OGFR: variants seen among roughly 807,000 people sequenced by gnomAD.
The protein encoded by OGFR is protein 7-60.
Under a neutral mutation model 33.6 loss-of-function variants are expected in OGFR, and 18 were observed. The observed-to-expected ratio is 0.54, with a 90% CI of 0.37 to 0.80. The LOEUF (loss-of-function observed/expected upper bound fraction) is 0.80, where lower values mean the gene tolerates loss of function less well. Ranked by LOEUF, OGFR falls within the 30% of genes least tolerant of loss-of-function variation. The probability of loss-of-function intolerance (pLI) is 0.00; values close to 1 mark genes in which losing one functional copy is unlikely to be tolerated. For synonymous variants in OGFR, 370 were observed against 400.7 expected, an observed-to-expected ratio of 0.92 and a Z score of 0.91; for missense variants, 877 against 955.8, an observed-to-expected ratio of 0.92 and a Z score of 1.09.
rs761173627 is a variant in OGFR, at chr20:62,809,656, A to G, written c.391A>G (p.Ile131Val). ...YDLLEDNHSY[I>V]QWLFPLREPG... The stretch of plus-strand genomic sequence containing the variant: ...CCTCCTTGAGGACAATCACTCCTAC[A>G]TCCAGTGGTGAGTTGGGGAGGATGG... The change falls in exon 4 of 7, where the codon ATC becomes GTC. Residue 131 changes from isoleucine to valine, a missense_variant. Physicochemically the swap from Ile to Val is conservative, Grantham distance 29. Around this residue, in one of 3 missense-constraint regions of OGFR, gnomAD observed 760 missense variants for 736.0 expected, o/e 1.03. Coordinates refer to ENST00000290291, the MANE Select transcript of OGFR (RefSeq NM_007346.4). 2 of 1,556,968 alleles carry G rather than the reference A, an allele frequency of 1.3e-6. No individual in the cohort carries two copies. Among genetic ancestry groups the G allele is most frequent in the Non-Finnish European group, 8.8e-7 (1 of 1,142,350 alleles).
chr20:62,811,374 G>A (rs1162244753), intron 5 of OGFR, 88 bp from the exon 6 acceptor site: 3 of 1,421,738 alleles, frequency 2.1e-6, no homozygotes, highest in Non-Finnish European at 2.9e-6. Flanking sequence ...CCAGGCCTCT[G>A]AGTGAGTCGG....
intron 1 of OGFR, 150 bp downstream of exon 1, chr20:62,805,180 C>G (rs1443703147): frequency 1.9e-6 from 1 of 515,278 alleles, no homozygotes; most frequent in African/African-American, 2.0e-5. Flanking sequence ...CCGGCCGACC[C>G]CCAGCCCCAG....
In OGFR at chr20:62,813,488, C is replaced by T. The variant is rs201163906; in HGVS notation, c.1873C>T (p.Arg625Cys). The T allele has an allele frequency of 2.1e-4, 299 of 1,396,224 alleles. No individual in the cohort carries two copies. Among genetic ancestry groups the T allele is most frequent in the Non-Finnish European group, 7.9e-5 (84 of 1,063,886 alleles). 86.5% of individuals were successfully genotyped at this position (1,396,224 alleles called of 1,614,324 possible). A position where few individuals can be genotyped will look rare whatever the true frequency, so the allele number is the denominator to read the frequency against. The change falls in exon 7 of 7, where the codon CGC (arginine) becomes TGC (cysteine). Residue 625 changes from arginine (R) to cysteine (C), a missense_variant. By Grantham distance (180) the Arg-to-Cys change is radical (BLOSUM62 -3). Around this residue, in one of 3 missense-constraint regions of OGFR, gnomAD observed 72 missense variants for 181.8 expected, o/e 0.40. Transcript: ENST00000290291. ...GAGCCCATCGGAGACCCCAGGCCCCCGCCCGGCAGGACCTGCAGGGGACGA... is the reference window on the plus strand; with the variant it reads ...GAGCCCATCGGAGACCCCAGGCCCCTGCCCGGCAGGACCTGCAGGGGACGA... ...AESPSETPGP[R>C]PAGPAGDEPA... is the part of the protein sequence containing the mutation.
In OGFR at chr20:62,811,626, T is replaced by TGGGCCCCCCCCCC; in HGVS notation, c.614+16_614+17insGGGCCCCCCCCCC. On this transcript the variant is annotated intron_variant, in intron 6 of 6. Transcript: ENST00000290291. Reference sequence around the variant, plus strand: ...ACCTGAACTGGTGAGGCCCGGCTGCTCCCGCCCACCCCCACCCCGGCGCAG... The same window carrying TGGGCCCCCCCCCC: ...ACCTGAACTGGTGAGGCCCGGCTGCTGGGCCCCCCCCCCCCCGCCCACCCCCACCCCGGCGCAG... 1 of 1,502,514 alleles carries TGGGCCCCCCCCCC rather than the reference T, an allele frequency of 6.7e-7. No homozygotes were observed. Among genetic ancestry groups the TGGGCCCCCCCCCC allele is most frequent in the East Asian group, 2.5e-5 (1 of 39,734 alleles). The allele number at this position is 1,502,514 out of a possible 1,614,324, so 93.1% of individuals were successfully genotyped here. A position where few individuals can be genotyped will look rare whatever the true frequency, so the allele number is the denominator to read the frequency against.
rs193153268 is a variant in OGFR, at chr20:62,808,053, G to C, written c.241-194G>C. The C allele has an allele frequency of 1.8e-3, 1,194 of 650,830 alleles. 7 individuals are homozygous for C. The African/African-American group carries it at 0.019, about 11-fold the overall frequency. The allele number at this position is 650,830 out of a possible 1,614,324, so 40.3% of individuals were successfully genotyped here. A position where few individuals can be genotyped will look rare whatever the true frequency, so the allele number is the denominator to read the frequency against. On this transcript the variant is annotated intron_variant, in intron 2 of 6. Coordinates refer to ENST00000290291, the MANE Select transcript of OGFR (RefSeq NM_007346.4). The stretch of plus-strand genomic sequence containing the variant: ...CTGGCCTGGCTGGCGAAATGGGGAA[G>C]GGGGGTCCCTGGGGCTTGGAGGCAG...
chr20:62,812,597 C>T lies in OGFR; in HGVS notation c.982C>T (p.Arg328Trp), dbSNP rs200386552. ...CGACCACGAGGCCAGCACCCAGGGT[C>T]GGACCTGTGGGCCAGAGCATAGCAA... ...DPDHEASTQGRTCGPEHSKGG... is the reference protein window; with the variant it reads ...DPDHEASTQGWTCGPEHSKGG... The change falls in exon 7 of 7, where the codon CGG (arginine) becomes TGG (tryptophan). Residue 328 changes from arginine to tryptophan, a missense_variant. This residue lies in a region of OGFR where 760 missense variants were observed against 736.0 expected (regional missense o/e 1.03). Coordinates refer to ENST00000290291, the MANE Select transcript of OGFR (RefSeq NM_007346.4). The T allele has an allele frequency of 8.5e-4, 1,329 of 1,567,378 alleles. 12 individuals carry two copies. The South Asian group carries it at 9.5e-3, about 11-fold the overall frequency.
chr20:62,808,018 C>A (rs1265864605), intron 2 of OGFR: 9 of 616,240 alleles, frequency 1.5e-5, no homozygotes, highest in Admixed American at 2.8e-5. Flanking sequence ...GAGGAGGGGA[C>A]CTGCCAGGCC....
chr20:62,812,226 GC>G lies in OGFR; in HGVS notation c.615-3del. ...TGACCTCTCCTGACCCGGATCTCTCGCAGGCGCAGCCACAACAACCTCCGCA... is the reference window on the plus strand; with the variant it reads ...TGACCTCTCCTGACCCGGATCTCTCGAGGCGCAGCCACAACAACCTCCGCA... On this transcript the variant is annotated splice_region_variant and splice_polypyrimidine_tract_variant and intron_variant, in intron 6 of 6. Coordinates refer to ENST00000290291, the MANE Select transcript of OGFR (RefSeq NM_007346.4). 2.7e-6 allele frequency: 4 copies of G among 1,492,494 alleles called. No individual in the cohort carries two copies. Among genetic ancestry groups the G allele is most frequent in the Non-Finnish European group, 3.6e-6 (4 of 1,116,964 alleles). The allele number at this position is 1,492,494 out of a possible 1,614,324, so 92.5% of individuals were successfully genotyped here.
intron 2 of OGFR, chr20:62,807,828 A>G: frequency 1.6e-6 from 1 of 606,782 alleles, no homozygotes; most frequent in Non-Finnish European, 2.9e-6. Flanking sequence ...GAGCTTCAGC[A>G]CACCGTCGCC....
rs1275729320 is a variant in OGFR, at chr20:62,809,601, C to T, written c.336C>T (p.Asp112=). The T allele has an allele frequency of 1.3e-6, 2 of 1,599,150 alleles. No individual in the cohort carries two copies. The highest frequency in any genetic ancestry group is 2.3e-5 in the East Asian group (1 of 44,104). The change falls in exon 4 of 7, where the codon GAC becomes GAT. Residue 112 remains aspartate (D), a synonymous_variant. Transcript: ENST00000290291. ...RFLPNGCFIE[D]ILQNWTDNYD... is the part of the protein sequence containing the mutation. ...GGCTCCCAGGCTGTTTCATTGAGGA[C>T]ATTCTTCAGAACTGGACGGACAACT... is the stretch of plus-strand genomic sequence containing the variant.
At position 62,813,271 on chromosome 20, in the gene OGFR, C is replaced by G; in HGVS notation, c.1656C>G (p.Asp552Glu). The G allele has an allele frequency of 6.8e-7, 1 of 1,472,988 alleles. No individual in the cohort carries two copies. Among genetic ancestry groups the G allele is most frequent in the Non-Finnish European group, 9.1e-7 (1 of 1,100,948 alleles). The allele number at this position is 1,472,988 out of a possible 1,614,324, so 91.2% of individuals were successfully genotyped here. Residue 552 changes from aspartate to glutamate, a missense_variant, in exon 7 of 7, where the codon GAC (aspartate) becomes GAG (glutamate). Asp to Glu is a conservative substitution (Grantham distance 45). Transcript: ENST00000290291. ...CCCGCCCAGCAGGACCTGCAGGGGA[C>G]GAGCCAGCCGAGAGCCCATCGGAGA... ...PGPRPAGPAG[D>E]EPAESPSETP...
Position 62,810,613 on chromosome 20 carries a change from G to A in OGFR, c.465+48G>A, listed in dbSNP as rs759393651. The A allele has an allele frequency of 5.1e-6, 8 of 1,573,680 alleles. No individual in the cohort carries two copies. The South Asian group carries it at 6.7e-5, about 13-fold the overall frequency. ...CTGGAGGGGAAGATGGGGAGGCCTG[G>A]GCAAGCCACGCCGCTGCAGAGACGG... On this transcript the variant is annotated intron_variant, in intron 5 of 6. Coordinates refer to ENST00000290291, the MANE Select transcript of OGFR (RefSeq NM_007346.4).
intron 4 of OGFR, among the ~76,000 whole-genome samples, chr20:62,810,264 C>A (rs1990694078): frequency 6.6e-6 from 1 of 152,208 alleles, no homozygotes; most frequent in African/African-American, 2.4e-5. Context: ...AGTCACCTCC[C>A]CAGTCCTGCT....
In OGFR at chr20:62,804,998, G is replaced by T; in HGVS notation, c.139G>T (p.Glu47Ter). 1 of 1,468,906 alleles carries T rather than the reference G, an allele frequency of 6.8e-7. No individual in the cohort carries two copies. 91.0% of individuals were successfully genotyped at this position (1,468,906 alleles called of 1,614,324 possible). The change falls in exon 1 of 7, where the codon GAG (glutamate) becomes TAG (stop). Residue 47 changes from glutamate to a stop codon, truncating the protein, a stop_gained. Transcript: ENST00000290291. LOFTEE classifies it high-confidence loss of function. Reference sequence around the variant, plus strand: ...AGGGGACGAGGACGAGGAGTCGGAGGAGCCGCGGGCGGCGCGGCCCAGCTC... The same window carrying T: ...AGGGGACGAGGACGAGGAGTCGGAGTAGCCGCGGGCGGCGCGGCCCAGCTC... ...DAGDEDEESE[E>*]PRAARPSSFQ...
intron 3 of OGFR, among the ~76,000 whole-genome samples, chr20:62,808,974 C>CAAAAAAAAAA (rs5842400): frequency 1.5e-5 from 1 of 68,412 alleles, no homozygotes; most frequent in Non-Finnish European, 2.7e-5. Flanking sequence ...GACTCTGTCT[C>CAAAAAAAAAA]AAAAAAAAAA....
At position 62,813,461 on chromosome 20, in the gene OGFR, G is replaced by A. The variant is rs200564392; in HGVS notation, c.1846G>A (p.Glu616Lys). 7 of 1,423,456 alleles carry A rather than the reference G, an allele frequency of 4.9e-6. No individual in the cohort carries two copies. Among genetic ancestry groups the A allele is most frequent in the East Asian group, 2.8e-5 (1 of 35,642 alleles). 88.2% of individuals were successfully genotyped at this position (1,423,456 alleles called of 1,614,324 possible). The change falls in exon 7 of 7, where the codon GAG becomes AAG. Residue 616 changes from glutamate (E) to lysine (K), a missense_variant. Transcript: ENST00000290291. ...AGGACCTGCAGGGGACGAGCCAGCC[G>A]AGAGCCCATCGGAGACCCCAGGCCC... ...PAGPAGDEPAESPSETPGPRP... is the reference protein window; with the variant it reads ...PAGPAGDEPAKSPSETPGPRP...
chr20:62,805,472 G>T (rs904290916), intron 1 of OGFR: 1 of 153,274 alleles, frequency 6.5e-6, no homozygotes, highest in Non-Finnish European at 1.5e-5. Flanking sequence ...CTGCACCTGC[G>T]GGAGCCCGGG....
chr20:62,807,469 C>T, intron 1 of OGFR, 68 bp from the exon 2 acceptor site: 1 of 1,435,812 alleles, frequency 7.0e-7, no homozygotes, highest in Non-Finnish European at 9.7e-7. Context: ...GCCCTGCAGC[C>T]CTCACCACGT....
At chr20:62,806,429 C>T (rs1487328580) in intron 1 of OGFR, 1 of 152,162 alleles carries the variant, frequency 6.6e-6, no homozygotes, top group African/African-American at 2.4e-5. Flanking sequence ...AATCCCAGTT[C>T]CTCCAGAGAT....
Sources: gnomAD v4.1 joint callset for allele counts (sites outside exome capture counted in the v4.1 genomes callset) on GRCh38, gnomAD v4.1.1 for gene constraint, gnomAD v4.1.1 regional missense constraint, MANE v1.5 for transcripts, NCBI Gene and HGNC (gene_info 2026-07-23, HGNC 2026-07-21) for gene names.